TMEM214: variants seen among roughly 807,000 people sequenced by gnomAD.
TMEM214 encodes the protein transmembrane protein 214.
A neutral mutation model predicts 89.8 loss-of-function variants in TMEM214; 71 were observed. That is an observed-to-expected ratio of 0.79 (90% CI 0.65 to 0.96). The LOEUF is 0.96. TMEM214 is among the 40% of genes least tolerant of loss of function. The probability of loss-of-function intolerance (pLI) is 0.00; values close to 1 mark genes in which losing one functional copy is unlikely to be tolerated. For missense variants in TMEM214, 754 were observed against 843.4 expected, an observed-to-expected ratio of 0.89 and a Z score of 1.31; for synonymous variants, 332 against 349.5, an observed-to-expected ratio of 0.95 and a Z score of 0.56.
chr2:27,033,217 C>T, intron 1 of TMEM214, 51 bp downstream of exon 1: 2 of 1,242,940 alleles, frequency 1.6e-6, no homozygotes, highest in Middle Eastern at 2.1e-4. Context: ...CCGGCAGGGT[C>T]GCAGCGAGCG....
At chr2:27,033,512 C>T (rs1297056385) in intron 1 of TMEM214, among the ~76,000 whole-genome samples, 2 of 152,168 alleles carry the variant, frequency 1.3e-5, no homozygotes, top group Non-Finnish European at 1.5e-5. Flanking sequence ...TGAAGAGGTA[C>T]TGTGGATCAT....
intron 13 of TMEM214, chr2:27,039,369 G>A: frequency 1.7e-6 from 1 of 594,994 alleles, no homozygotes. Context: ...GTATAGAAGT[G>A]CTTGCATATT....
In TMEM214 at chr2:27,041,493, C is replaced by G. The variant is rs1214595183; in HGVS notation, c.*656C>G. 1.3e-5 allele frequency: 2 copies of G among 154,254 alleles called. No homozygotes were observed. Among genetic ancestry groups the G allele is most frequent in the Non-Finnish European group, 2.9e-5 (2 of 68,392 alleles). The allele number at this position is 154,254 out of a possible 1,614,324, so 9.6% of individuals were successfully genotyped here. A position where few individuals can be genotyped will look rare whatever the true frequency, so the allele number is the denominator to read the frequency against. On this transcript the variant is annotated 3_prime_UTR_variant, in exon 17 of 17. Transcript: ENST00000238788. ...TTGTAGTCCTACTTCTTCCAACTTT[C>G]CATTCCCCATCATGCTGGGGGTCTT...
chr2:27,034,854 G>A (rs1031330521), intron 2 of TMEM214, among the ~76,000 whole-genome samples: 25 of 152,156 alleles, frequency 1.6e-4, no homozygotes, highest in African/African-American at 5.8e-4. Flanking sequence ...AAAGTGCTGG[G>A]ATTACAGGCG....
chr2:27,040,664 C>T (rs1572797244), intron 16 of TMEM214, 47 bp from the exon 17 acceptor site: 1 of 1,604,804 alleles, frequency 6.2e-7, no homozygotes, highest in Middle Eastern at 1.7e-4. Flanking sequence ...CGAAAGTTGA[C>T]ACAGCTACTC....
chr2:27,037,747 C>A (rs772305146), intron 9 of TMEM214, 45 bp downstream of exon 9: 7 of 1,614,052 alleles, frequency 4.3e-6, no homozygotes, highest in Non-Finnish European at 5.9e-6. Flanking sequence ...CAGGGGTCAG[C>A]TGTAGCGGTC....
intron 5 of TMEM214, 107 bp from the exon 6 acceptor site, chr2:27,036,380 G>T (rs1007874108): frequency 4.1e-6 from 4 of 980,644 alleles, no homozygotes; most frequent in African/African-American, 1.6e-5. Flanking sequence ...ACTCTTGCTC[G>T]GCCTGTCCTC....
At chr2:27,040,231 T>A in intron 15 of TMEM214, 33 bp downstream of exon 15, 2 of 1,605,236 alleles carry the variant, frequency 1.2e-6, no homozygotes, top group Non-Finnish European at 1.7e-6. Flanking sequence ...AATAAGGGGC[T>A]GGTTTTCCCA....
chr2:27,037,021 C>A, intron 7 of TMEM214, 56 bp from the exon 8 acceptor site: 1 of 1,529,000 alleles, frequency 6.5e-7, no homozygotes, highest in South Asian at 1.1e-5. Context: ...GGGTCATGGC[C>A]AAAACAGCTG....
At position 27,039,096 on chromosome 2, in the gene TMEM214, T is replaced by C; in HGVS notation, c.1457T>C (p.Leu486Pro). ...CCTCGGCTGCCCTGGACGCGGCTCC[T>C]CCTGTTGCTGCTGGTCTTCGCTGTA... Reference protein sequence around the residue: ...QGPRLPWTRLLLLLLVFAVGF... With the variant: ...QGPRLPWTRLPLLLLVFAVGF... The change falls in exon 13 of 17, where the codon CTC becomes CCC. Residue 486 changes from leucine (L) to proline (P), a missense_variant. Leu to Pro is a moderately conservative substitution (Grantham distance 98). Coordinates refer to ENST00000238788, the MANE Select transcript of TMEM214 (RefSeq NM_017727.5). The C allele has an allele frequency of 6.2e-7, 1 of 1,613,934 alleles. No individual in the cohort carries two copies. Among genetic ancestry groups the C allele is most frequent in the Non-Finnish European group, 8.5e-7 (1 of 1,180,036 alleles).
chr2:27,040,832 C>G lies in TMEM214; in HGVS notation c.2065C>G (p.Gln689Glu). 6.2e-7 allele frequency: 1 copy of G among 1,613,370 alleles called. No homozygotes were observed. The highest frequency in any genetic ancestry group is 8.5e-7 in the Non-Finnish European group (1 of 1,179,340). Residue 689 changes from glutamine (Q) to glutamate (E), a missense_variant, in exon 17 of 17, where the codon CAG (glutamine) becomes GAG (glutamate). Gln to Glu is a conservative substitution (Grantham distance 29). Coordinates refer to ENST00000238788, the MANE Select transcript of TMEM214 (RefSeq NM_017727.5). The part of the protein sequence containing the change: ...LDWALALISQ[Q>E] ...CTGGGCACTTGCCCTGATATCCCAG[C>G]AGTAGGCCCTGCCTTCCTGGCCACT...
Position 27,040,937 on chromosome 2 carries a change from G to A in TMEM214, c.*100G>A. The stretch of plus-strand genomic sequence containing the variant: ...TTCATGGGAGTCTTTTTAACTTGGT[G>A]CCTGAGTTCTCTCCTAGGCAAGTGG... On this transcript the variant is annotated 3_prime_UTR_variant, in exon 17 of 17. Coordinates refer to ENST00000238788, the MANE Select transcript of TMEM214 (RefSeq NM_017727.5). The A allele has an allele frequency of 6.7e-7, 1 of 1,488,654 alleles. No individual in the cohort carries two copies. Among genetic ancestry groups the A allele is most frequent in the Non-Finnish European group, 9.1e-7 (1 of 1,095,168 alleles). 92.2% of individuals were successfully genotyped at this position (1,488,654 alleles called of 1,614,324 possible).
intron 7 of TMEM214, 142 bp downstream of exon 7, chr2:27,036,928 T>C: frequency 7.4e-6 from 8 of 1,081,594 alleles, no homozygotes; most frequent in Non-Finnish European, 8.6e-6. Context: ...AATGTGATGG[T>C]GAGGAAGGAA....
Position 27,038,784 on chromosome 2 carries a change from A to G in TMEM214, c.1376A>G (p.Gln459Arg), listed in dbSNP as rs769465149. 2.5e-6 allele frequency: 4 copies of G among 1,614,046 alleles called. No individual in the cohort carries two copies. Among genetic ancestry groups the G allele is most frequent in the African/African-American group, 2.7e-5 (2 of 74,942 alleles). ...ELLRKGSSNN[Q>R]DVVTCDMACK... ...CTGAGGAAGGGTAGCAGTAACAACCAGGATGTCGTCACCTGTGACATGGCC... is the reference window on the plus strand; with the variant it reads ...CTGAGGAAGGGTAGCAGTAACAACCGGGATGTCGTCACCTGTGACATGGCC... Residue 459 changes from glutamine to arginine, a missense_variant, in exon 12 of 17, where the codon CAG (glutamine) becomes CGG (arginine). Transcript: ENST00000238788. The surrounding 1 kb of genome is among the most constrained non-coding windows in gnomAD (Gnocchi z 4.4).
Position 27,038,912 on chromosome 2 carries a change from CTG to C in TMEM214, c.1407+98_1407+99del. Reference sequence around the variant, plus strand: ...TGTATCACATTCCTGCCCCACCTGTCTGGAGCCCCCCGCTGCCTCCAGGATAA... The same window carrying C: ...TGTATCACATTCCTGCCCCACCTGTCGAGCCCCCCGCTGCCTCCAGGATAA... On this transcript the variant is annotated intron_variant, in intron 12 of 16. Coordinates refer to ENST00000238788, the MANE Select transcript of TMEM214 (RefSeq NM_017727.5). The surrounding 1 kb of genome is among the most constrained non-coding windows in gnomAD (Gnocchi z 4.4). 7.1e-7 allele frequency: 1 copy of C among 1,417,474 alleles called. No individual in the cohort carries two copies. The allele number at this position is 1,417,474 out of a possible 1,614,324, so 87.8% of individuals were successfully genotyped here.
intron 7 of TMEM214, 47 bp downstream of exon 7, chr2:27,036,833 T>C (rs1298573360): frequency 5.0e-6 from 8 of 1,595,798 alleles, no homozygotes; most frequent in Non-Finnish European, 6.9e-6. Context: ...GTGTCCCAAG[T>C]GGCTGTTATA....
chr2:27,039,712 C>T (rs1667735445), intron 13 of TMEM214, 29 bp from the exon 14 acceptor site: 1 of 1,600,902 alleles, frequency 6.2e-7, no homozygotes, highest in East Asian at 2.2e-5. Flanking sequence ...CTCTCACCTC[C>T]CAGCTCACCA....
Position 27,038,441 on chromosome 2 carries a change from G to C in TMEM214, c.1245-43G>C. ...AATGGAGGACAGGAGGATGGGTGAG[G>C]CTGCGCGAGCCACCTGACTAGGGGG... is the stretch of plus-strand genomic sequence containing the variant. On this transcript the variant is annotated intron_variant, in intron 10 of 16. Transcript: ENST00000238788. This position sits in a 1 kb window ranked among gnomAD's most constrained non-coding sequence, Gnocchi z 4.4. 6.2e-7 allele frequency: 1 copy of C among 1,612,192 alleles called. No homozygotes were observed. The highest frequency in any genetic ancestry group is 8.5e-7 in the Non-Finnish European group (1 of 1,179,192).
At chr2:27,036,841 A>C in intron 7 of TMEM214, 55 bp downstream of exon 7, 1 of 1,570,932 alleles carries the variant, frequency 6.4e-7, no homozygotes, top group Non-Finnish European at 8.8e-7. Flanking sequence ...AGTGGCTGTT[A>C]TAGCAAAATG....
Sources: gnomAD v4.1 joint callset for allele counts (sites outside exome capture counted in the v4.1 genomes callset) on GRCh38, gnomAD v4.1.1 for gene constraint, Gnocchi (gnomAD v3.1) non-coding constraint, MANE v1.5 for transcripts, NCBI Gene and HGNC (gene_info 2026-07-23, HGNC 2026-07-21) for gene names.